The following LSAMP variants were observed in gnomAD, a reference collection of about 807,000 sequenced individuals.
The protein encoded by LSAMP is limbic system-associated membrane protein.
LSAMP carries 7 observed loss-of-function variants against 38.6 expected under a neutral mutation model. That is an observed-to-expected ratio of 0.18 (90% CI 0.10 to 0.34). LSAMP has a LOEUF of 0.34. Ranked by LOEUF, LSAMP falls within the 10% of genes least tolerant of loss-of-function variation. LSAMP has a pLI of 1.00. For missense variants in LSAMP, 313 were observed against 420.0 expected, an observed-to-expected ratio of 0.75 and a Z score of 2.23; for synonymous variants, 154 against 166.8, an observed-to-expected ratio of 0.92 and a Z score of 0.59.
chr3:116,009,779 C>G (rs1940271161), intron 3 of LSAMP, among the ~76,000 whole-genome samples: 1 of 152,092 alleles, frequency 6.6e-6, no homozygotes, highest in African/African-American at 2.4e-5. Context: ...CTGAACCCTT[C>G]CCTAACACAC....
intron 1 of LSAMP, among the ~76,000 whole-genome samples, chr3:116,287,772 T>C (rs1316140485): frequency 6.6e-6 from 1 of 152,224 alleles, no homozygotes; most frequent in Admixed American, 6.5e-5. Flanking sequence ...AGTTTGATCA[T>C]TTCATGCTCC....
intron 3 of LSAMP, among the ~76,000 whole-genome samples, chr3:115,862,115 A>G (rs1489457998): frequency 6.6e-6 from 1 of 152,176 alleles, no homozygotes; most frequent in Non-Finnish European, 1.5e-5. Flanking sequence ...TTTGGCAGGG[A>G]CAAATATTAG....
chr3:116,382,543 T>C (rs1295705814), intron 1 of LSAMP, among the ~76,000 whole-genome samples: 1 of 149,876 alleles, frequency 6.7e-6, no homozygotes, highest in Non-Finnish European at 1.5e-5. Flanking sequence ...TTAGGAGATA[T>C]ACCTAATGTA....
chr3:116,156,357 G>A (rs1461116), intron 1 of LSAMP, among the ~76,000 whole-genome samples: 19,880 of 152,126 alleles, frequency 0.13, 1,362 homozygotes, highest in Non-Finnish European at 0.14. Flanking sequence ...TTGGGGTGGG[G>A]TCAGAGGAAG....
rs115500918 is a variant in LSAMP, at chr3:116,061,944, A to G, written c.388+24380T>C. 2.7e-3 allele frequency among the ~76,000 whole-genome samples: 413 copies of G among 152,306 alleles called. 3 individuals are homozygous for G. The highest frequency in any genetic ancestry group is 9.5e-3 in the African/African-American group (395 of 41,572). ...TTTTATTTGTTCTTCTTGAAAGACA[A>G]TGTGACTCTGTGAAATAGGGGCACT... On this transcript the variant is annotated intron_variant, in intron 2 of 6. Transcript: ENST00000490035.
chr3:116,053,222 A>AAATGAATGCTTAGTGTCAGC (rs1941428223), intron 2 of LSAMP, among the ~76,000 whole-genome samples: 1 of 152,260 alleles, frequency 6.6e-6, no homozygotes, highest in Non-Finnish European at 1.5e-5. Flanking sequence ...TTAGTGTCAG[A>AAATGAATGCTTAGTGTCAGC]AATGAATGCT....
chr3:116,170,387 C>T (rs1576408695), intron 1 of LSAMP, among the ~76,000 whole-genome samples: 1 of 152,094 alleles, frequency 6.6e-6, no homozygotes, highest in African/African-American at 2.4e-5. Context: ...GAAAATTTAA[C>T]AACTGAAAAC....
chr3:115,924,999 C>G, intron 3 of LSAMP, among the ~76,000 whole-genome samples: 1 of 152,202 alleles, frequency 6.6e-6, no homozygotes, highest in East Asian at 1.9e-4. Flanking sequence ...ACAATACATT[C>G]TAGACCATGT....
chr3:116,300,620 T>A (rs1279832097), intron 1 of LSAMP, among the ~76,000 whole-genome samples: 2 of 152,150 alleles, frequency 1.3e-5, no homozygotes, highest in Non-Finnish European at 2.9e-5. Flanking sequence ...ATATGAAGGA[T>A]CTAGGTTGCA....
chr3:116,110,686 G>T (rs976769007), intron 1 of LSAMP, among the ~76,000 whole-genome samples: 1 of 152,156 alleles, frequency 6.6e-6, no homozygotes, highest in African/African-American at 2.4e-5. Context: ...TTCTTGGGCT[G>T]GTCGGTCTGA....
At chr3:115,893,895 C>A (rs890096173) in intron 3 of LSAMP, among the ~76,000 whole-genome samples, 2 of 151,942 alleles carry the variant, frequency 1.3e-5, no homozygotes, top group Non-Finnish European at 2.9e-5. Flanking sequence ...TGCTGGGAAT[C>A]AACATGCATA....
intron 1 of LSAMP, among the ~76,000 whole-genome samples, chr3:116,376,932 C>T (rs1559846795): frequency 6.6e-6 from 1 of 152,016 alleles, no homozygotes. Flanking sequence ...TCTATTTGTA[C>T]TACTACTAAG....
chr3:116,031,709 G>C (rs1470117102), intron 2 of LSAMP, among the ~76,000 whole-genome samples: 1 of 150,662 alleles, frequency 6.6e-6, no homozygotes, highest in Non-Finnish European at 1.5e-5. Context: ...GTTGTTTTTT[G>C]CCACTGCTTA....
chr3:116,436,176 C>G (rs2049347375), intron 1 of LSAMP, among the ~76,000 whole-genome samples: 1 of 152,116 alleles, frequency 6.6e-6, no homozygotes, highest in Non-Finnish European at 1.5e-5. Context: ...ATCTTCATCT[C>G]TCAACTTATA....
intron 1 of LSAMP, among the ~76,000 whole-genome samples, chr3:116,093,633 C>T (rs1708169121): frequency 1.3e-5 from 2 of 152,110 alleles, no homozygotes; most frequent in Non-Finnish European, 2.9e-5. Flanking sequence ...GTAATCATTT[C>T]ATAACACCCA....
At chr3:116,223,193 A>G (rs1435821421) in intron 1 of LSAMP, among the ~76,000 whole-genome samples, 2 of 149,216 alleles carry the variant, frequency 1.3e-5, no homozygotes, top group East Asian at 3.9e-4. Context: ...TAAAGAATAC[A>G]GATATAATTT....
chr3:116,168,181 C>A lies in LSAMP; in HGVS notation c.156-81625G>T, dbSNP rs530391585. On this transcript the variant is annotated intron_variant, in intron 1 of 6. Coordinates refer to ENST00000490035, the MANE Select transcript of LSAMP (RefSeq NM_002338.5). ...AAAGAACTCCACCAGCCCATCACCA[C>A]TGTGTTTGATTTGGGAAAGATATCT... Among the ~76,000 whole-genome samples the A allele has an allele frequency of 2.0e-5, 3 of 152,336 alleles. No individual in the cohort carries two copies. In the South Asian group the frequency reaches 6.2e-4, roughly 32 times the overall value.
intron 3 of LSAMP, among the ~76,000 whole-genome samples, chr3:115,949,049 C>T (rs760182646): frequency 1.8e-4 from 28 of 152,032 alleles, no homozygotes; most frequent in East Asian, 5.8e-4. Flanking sequence ...AGGTGAATCA[C>T]GTGAGGCCAG....
At chr3:116,056,828 A>G (rs6803188) in intron 2 of LSAMP, among the ~76,000 whole-genome samples, 48,608 of 152,006 alleles carry the variant, frequency 0.32, 8,891 homozygotes, top group African/African-American at 0.51. Context: ...TAGATACAAT[A>G]CCATCTGAGA....
Sources: allele counts gnomAD v4.1 joint callset (sites outside exome capture counted in the v4.1 genomes callset), GRCh38; gene constraint gnomAD v4.1.1; transcripts MANE v1.5; gene names NCBI Gene and HGNC (gene_info 2026-07-23, HGNC 2026-07-21).